The following MAOB variants were observed in gnomAD, a reference collection of about 807,000 sequenced individuals.
MAOB encodes amine oxidase [flavin-containing] B.
MAOB carries 15 observed loss-of-function variants against 41.9 expected under a neutral mutation model. The observed-to-expected ratio is 0.36, with a 90% CI of 0.24 to 0.55. The LOEUF is 0.55. Among genes scored for constraint, MAOB ranks in the 20% least tolerant of loss-of-function variants. The pLI is 0.86. For missense variants in MAOB, 345 were observed against 398.7 expected (o/e 0.87, Z 1.15); for synonymous variants, 167 against 144.2 (o/e 1.16, Z -1.13).
intron 2 of MAOB, among the ~76,000 whole-genome samples, chrX:43,842,787 G>A (rs1033142930): frequency 6.3e-5 from 7 of 111,639 alleles, no homozygotes; most frequent in African/African-American, 2.3e-4. Flanking sequence ...GATGAATTTG[G>A]AGGACATTAT....
chrX:43,869,608 G>C (rs1273388364), intron 1 of MAOB, among the ~76,000 whole-genome samples: 1 of 112,128 alleles, frequency 8.9e-6, no homozygotes. Flanking sequence ...TAAATGGATA[G>C]TTGTCTCTTC....
rs776406971 is a variant in MAOB, at chrX:43,803,340, T to C, written c.344A>G (p.His115Arg). 4.8e-5 allele frequency: 56 copies of C among 1,170,026 alleles called. No individual in the cohort carries two copies. In the South Asian group the frequency reaches 4.9e-4, roughly 10 times the overall value. ...ATCCATTGTCCTCCAAAAGTTGTTA[T>C]GATCTAAGTAGGTAATTGGATTCCA... ...PVWNPITYLD[H>R]NNFWRTMDDM... is the part of the protein sequence containing the mutation. Residue 115 changes from histidine to arginine, a missense_variant, in exon 4 of 15, where the codon CAT (histidine) becomes CGT (arginine). His to Arg is a conservative substitution (Grantham distance 29). Coordinates refer to ENST00000378069, the MANE Select transcript of MAOB (RefSeq NM_000898.5).
At chrX:43,778,174 G>T (rs1414828950) in intron 11 of MAOB, among the ~76,000 whole-genome samples, 2 of 111,446 alleles carry the variant, frequency 1.8e-5, no homozygotes, top group African/African-American at 3.3e-5. Flanking sequence ...AGAAAAGAGG[G>T]CATGCAGGAG....
intron 1 of MAOB, among the ~76,000 whole-genome samples, chrX:43,870,605 C>T (rs1464793307): frequency 9.2e-6 from 1 of 108,955 alleles, no homozygotes; most frequent in Non-Finnish European, 1.9e-5. Context: ...ACCATCCCGG[C>T]TAACATGGTG....
In MAOB at chrX:43,855,922, G is replaced by A. The variant is rs142173630; in HGVS notation, c.47-12158C>T. ...CTTTAGTCTACAGTCGGTGTCTCTG[G>A]CAGCAGCCTAAATCTGAAGAGACAA... On this transcript the variant is annotated intron_variant, in intron 1 of 14. Transcript: ENST00000378069. Among the ~76,000 whole-genome samples, 219 of 111,268 alleles carry A rather than the reference G, an allele frequency of 2.0e-3. 7 individuals carry two copies. In the East Asian group the frequency reaches 0.055, roughly 28 times the overall value.
chrX:43,822,846 T>TAACCAC lies in MAOB; in HGVS notation c.279+16021_279+16022insGTGGTT, dbSNP rs1396393721. On this transcript the variant is annotated intron_variant, in intron 3 of 14. Coordinates refer to ENST00000378069, the MANE Select transcript of MAOB (RefSeq NM_000898.5). The stretch of plus-strand genomic sequence containing the variant: ...ATTACCATCATCACCATCACCATCA[T>TAACCAC]CACCACCACCACCACCAGTATCATC... 3.1e-3 allele frequency among the ~76,000 whole-genome samples: 345 copies of TAACCAC among 110,715 alleles called. 2 individuals are homozygous for TAACCAC. Among genetic ancestry groups the TAACCAC allele is most frequent in the African/African-American group, 8.2e-3 (249 of 30,447 alleles).
chrX:43,804,668 C>T (rs748129360), intron 3 of MAOB, among the ~76,000 whole-genome samples: 1 of 111,606 alleles, frequency 9.0e-6, no homozygotes, highest in East Asian at 2.8e-4. Context: ...GGGTAGGTCA[C>T]GGACCCAAGG....
chrX:43,810,650 T>A (rs1265765136), intron 3 of MAOB, among the ~76,000 whole-genome samples: 2 of 111,776 alleles, frequency 1.8e-5, no homozygotes, highest in African/African-American at 6.5e-5. Context: ...TAGAATCTCA[T>A]TAGAAGGATT....
intron 1 of MAOB, among the ~76,000 whole-genome samples, chrX:43,865,272 T>C (rs760101195): frequency 1.1e-3 from 119 of 112,191 alleles, no homozygotes; most frequent in Non-Finnish European, 1.7e-3. Flanking sequence ...CTTGAAGACA[T>C]GATGCTAAAT....
Position 43,793,482 on chromosome X carries a change from C to T in MAOB, c.865G>A (p.Val289Met), listed in dbSNP as rs1027907938. 8.3e-7 allele frequency: 1 copy of T among 1,202,507 alleles called. No homozygotes were observed. The highest frequency in any genetic ancestry group is 1.1e-6 in the Non-Finnish European group (1 of 887,929). The change falls in exon 8 of 15, where the codon GTG becomes ATG. Residue 289 changes from valine (V) to methionine (M), a missense_variant. Coordinates refer to ENST00000378069, the MANE Select transcript of MAOB (RefSeq NM_000898.5). ...CACTTGATGACTGAACCCAAAGGCA[C>T]ACGAGTGATCATCTGGTTTCTCATC... ...PMMRNQMITR[V>M]PLGSVIKCIV... is the part of the protein sequence containing the mutation.
intron 1 of MAOB, among the ~76,000 whole-genome samples, chrX:43,857,523 T>C (rs181950109): frequency 2.7e-5 from 3 of 110,899 alleles, no homozygotes; most frequent in Non-Finnish European, 5.7e-5. Flanking sequence ...AAATTAAATC[T>C]TGCAGCAAGG....
intron 6 of MAOB, among the ~76,000 whole-genome samples, 191 bp downstream of exon 6, chrX:43,796,934 T>C (rs180936345): frequency 4.0e-4 from 45 of 111,905 alleles, no homozygotes; most frequent in African/African-American, 1.2e-3. Context: ...TAAAATTACA[T>C]TGGACACTGG....
intron 8 of MAOB, among the ~76,000 whole-genome samples, chrX:43,791,263 T>C (rs2034459074): frequency 1.8e-5 from 2 of 111,142 alleles, no homozygotes; most frequent in South Asian, 7.6e-4. Context: ...TAAGCCAAAA[T>C]TGTGGCACTT....
chrX:43,835,253 G>T (rs953753519), intron 3 of MAOB, among the ~76,000 whole-genome samples: 37 of 112,103 alleles, frequency 3.3e-4, no homozygotes, highest in African/African-American at 2.3e-4. Flanking sequence ...TTCCTTAAAA[G>T]AAAACAATTT....
chrX:43,857,763 GTCT>G (rs777515848), intron 1 of MAOB, among the ~76,000 whole-genome samples: 3 of 111,720 alleles, frequency 2.7e-5, no homozygotes, highest in Non-Finnish European at 5.6e-5. Flanking sequence ...GCAAGATTTC[GTCT>G]TCATTTTTCA....
intron 1 of MAOB, among the ~76,000 whole-genome samples, chrX:43,878,026 C>T (rs754323440): frequency 8.9e-6 from 1 of 112,256 alleles, no homozygotes; most frequent in African/African-American, 3.2e-5. Context: ...TAGAGTAAGG[C>T]ACCTATAAGC....
intron 3 of MAOB, among the ~76,000 whole-genome samples, chrX:43,821,466 C>T (rs191912701): frequency 2.7e-5 from 3 of 111,494 alleles, no homozygotes; most frequent in African/African-American, 9.8e-5. Flanking sequence ...ATGACAGGCG[C>T]GCCCCTTGTC....
At chrX:43,856,321 C>T (rs1353858823) in intron 1 of MAOB, among the ~76,000 whole-genome samples, 2 of 112,247 alleles carry the variant, frequency 1.8e-5, no homozygotes, top group African/African-American at 6.5e-5. Flanking sequence ...TGACCTCTGG[C>T]GATCCGCCTG....
In MAOB at chrX:43,797,222, G is replaced by T. The variant is rs1459914959; in HGVS notation, c.521C>A (p.Thr174Asn). 3.3e-6 allele frequency: 4 copies of T among 1,203,274 alleles called. No individual in the cohort carries two copies. In the East Asian group the frequency reaches 8.9e-5, roughly 27 times the overall value. ...LATLFVNLCV[T>N]AETHEVSALW... ...AGCAGAGACCTCATGGGTCTCTGCAGTGACACACAGGTTCACAAAGAGAGT... is the reference window on the plus strand; with the variant it reads ...AGCAGAGACCTCATGGGTCTCTGCATTGACACACAGGTTCACAAAGAGAGT... The change falls in exon 6 of 15, where the codon ACT (threonine) becomes AAT (asparagine). Residue 174 changes from threonine to asparagine, a missense_variant. Transcript: ENST00000378069.
Sources: allele counts gnomAD v4.1 joint callset (sites outside exome capture counted in the v4.1 genomes callset), GRCh38; gene constraint gnomAD v4.1.1; transcripts MANE v1.5; gene names NCBI Gene and HGNC (gene_info 2026-07-23, HGNC 2026-07-21).